Variants in PRKCA observed in about 807,000 individuals in gnomAD.
The protein encoded by PRKCA is protein kinase C alpha type.
PRKCA carries 27 observed loss-of-function variants against 87.0 expected under a neutral mutation model. That is an observed-to-expected ratio of 0.31 (90% CI 0.23 to 0.43). PRKCA has a LOEUF of 0.43. PRKCA is among the 20% of genes least tolerant of loss of function. The pLI is 1.00. For missense variants in PRKCA, 518 were observed against 852.3 expected (o/e 0.61, Z 4.88); for synonymous variants, 329 against 311.1 (o/e 1.06, Z -0.61).
intron 3 of PRKCA, among the ~76,000 whole-genome samples, chr17:66,588,285 G>A (rs1326089468): frequency 2.0e-5 from 3 of 152,064 alleles, no homozygotes; most frequent in Non-Finnish European, 4.4e-5. Flanking sequence ...TATATCTCTA[G>A]CACCTTTTTC....
chr17:66,590,607 G>A (rs955222859), intron 3 of PRKCA, among the ~76,000 whole-genome samples: 1 of 152,182 alleles, frequency 6.6e-6, no homozygotes, highest in Admixed American at 6.5e-5. Flanking sequence ...CCAGCACTTT[G>A]GGAGGCCAAG....
intron 3 of PRKCA, among the ~76,000 whole-genome samples, chr17:66,624,218 G>C (rs1472273551): frequency 6.6e-6 from 1 of 152,088 alleles, no homozygotes. Context: ...AAGCCACCGA[G>C]AGGCTAGATA....
intron 14 of PRKCA, among the ~76,000 whole-genome samples, chr17:66,786,095 T>A (rs1975384530): frequency 1.3e-5 from 2 of 152,234 alleles, no homozygotes; most frequent in Admixed American, 1.3e-4. Flanking sequence ...CCCAAAGTGC[T>A]GGGATTACAG....
At position 66,809,902 on chromosome 17, in the gene PRKCA, G is replaced by T. The variant is rs1021393687; in HGVS notation, c.*5865G>T. Reference sequence around the variant, plus strand: ...GGATGCTTCCTTGGCTCTGTGCCCAGACCCGCCTGGTCCCCAGGTCTCTCA... The same window carrying T: ...GGATGCTTCCTTGGCTCTGTGCCCATACCCGCCTGGTCCCCAGGTCTCTCA... On this transcript the variant is annotated 3_prime_UTR_variant, in exon 17 of 17. Coordinates refer to ENST00000413366, the MANE Select transcript of PRKCA (RefSeq NM_002737.3). 1.3e-5 allele frequency: 2 copies of T among 152,172 alleles called. No individual in the cohort carries two copies. Among genetic ancestry groups the T allele is most frequent in the Admixed American group, 1.3e-4 (2 of 15,282 alleles). The allele number at this position is 152,172 out of a possible 1,614,324, so 9.4% of individuals were successfully genotyped here. A position where few individuals can be genotyped will look rare whatever the true frequency, so the allele number is the denominator to read the frequency against.
intron 8 of PRKCA, among the ~76,000 whole-genome samples, chr17:66,701,854 CT>C (rs1973072156): frequency 6.6e-6 from 1 of 152,014 alleles, no homozygotes; most frequent in South Asian, 2.1e-4. Context: ...ATGATATACA[CT>C]GTTGGTGGGA....
At position 66,806,161 on chromosome 17, in the gene PRKCA, C is replaced by T. The variant is rs1976027407; in HGVS notation, c.*2124C>T. The T allele has an allele frequency of 6.6e-6, 1 of 152,232 alleles. No individual in the cohort carries two copies. The highest frequency in any genetic ancestry group is 2.4e-5 in the African/African-American group (1 of 41,452). 9.4% of individuals were successfully genotyped at this position (152,232 alleles called of 1,614,324 possible). ...AACAGAATGAAAGTAGCTGTCAGTC[C>T]TTGTAGAGAGCCGCTCTGTTTCCTC... On this transcript the variant is annotated 3_prime_UTR_variant, in exon 17 of 17. Transcript: ENST00000413366.
At chr17:66,727,813 A>G (rs35323097) in intron 8 of PRKCA, among the ~76,000 whole-genome samples, 21,927 of 151,950 alleles carry the variant, frequency 0.14, 1,936 homozygotes, top group South Asian at 0.26. Context: ...GTGCTGGCCA[A>G]AGGTCTGGAG....
At chr17:66,517,626 C>T (rs1187119475) in intron 3 of PRKCA, among the ~76,000 whole-genome samples, 1 of 152,192 alleles carries the variant, frequency 6.6e-6, no homozygotes, top group East Asian at 1.9e-4. Context: ...TGACGTTAGA[C>T]AGAATTTCTG....
In PRKCA at chr17:66,711,231, T is replaced by TTAAG. The variant is rs1482964172; in HGVS notation, c.919-21456_919-21453dup. On this transcript the variant is annotated intron_variant, in intron 8 of 16. Coordinates refer to ENST00000413366, the MANE Select transcript of PRKCA (RefSeq NM_002737.3). ...TTAATATCTTTCAATCACATATGAG[T>TTAAG]TAAGATTCATTTTAAGTTTTATAGG... Among the ~76,000 whole-genome samples the TTAAG allele has an allele frequency of 3.3e-5, 5 of 152,178 alleles. No homozygotes were observed. In the East Asian group the frequency reaches 7.7e-4, roughly 23 times the overall value.
chr17:66,780,500 AC>A (rs1192225296), intron 14 of PRKCA, among the ~76,000 whole-genome samples: 4 of 151,988 alleles, frequency 2.6e-5, no homozygotes, highest in Admixed American at 2.6e-4. Flanking sequence ...AGATGGTGAA[AC>A]CCCATCTCTA....
At chr17:66,638,290 A>G (rs1044342711) in intron 3 of PRKCA, 22 of 152,116 alleles carry the variant, frequency 1.4e-4, no homozygotes, top group Non-Finnish European at 2.4e-4. Context: ...GAAGCAGCAC[A>G]AATACAAAAC....
At chr17:66,496,177 T>C in intron 2 of PRKCA, 24 bp from the exon 3 acceptor site, 1 of 1,578,874 alleles carries the variant, frequency 6.3e-7, no homozygotes, top group South Asian at 1.1e-5. Flanking sequence ...CTATTCTAAT[T>C]TTAGTTTCCT....
At chr17:66,375,094 G>T (rs186964742) in intron 2 of PRKCA, among the ~76,000 whole-genome samples, 3 of 152,140 alleles carry the variant, frequency 2.0e-5, no homozygotes, top group South Asian at 2.1e-4. Context: ...AGCCTTGAGG[G>T]GGGTAATAGC....
At chr17:66,332,283 A>G (rs1265115689) in intron 2 of PRKCA, among the ~76,000 whole-genome samples, 1 of 140,650 alleles carries the variant, frequency 7.1e-6, no homozygotes, top group African/African-American at 2.7e-5. Context: ...GCTGGAGTGC[A>G]GTGGCACGAT....
At position 66,377,699 on chromosome 17, in the gene PRKCA, TTTTATATA is replaced by T. The variant is rs1389988450; in HGVS notation, c.205+71574_205+71581del. On this transcript the variant is annotated intron_variant, in intron 2 of 16. Transcript: ENST00000413366. ...CTATTATATATATATAAAGTCTATG[TTTTATATA>T]TATATATATATATATTTTTTTTTTT... 4.7e-3 allele frequency among the ~76,000 whole-genome samples: 231 copies of T among 48,694 alleles called. 11 individuals are homozygous for T. Among genetic ancestry groups the T allele is most frequent in the African/African-American group, 0.01 (178 of 17,494 alleles). The allele number at this position is 48,694 out of a possible 152,430, so 31.9% of individuals were successfully genotyped here. A position where few individuals can be genotyped will look rare whatever the true frequency, so the allele number is the denominator to read the frequency against.
chr17:66,592,361 AGT>A (rs1969836639), intron 3 of PRKCA, among the ~76,000 whole-genome samples: 2 of 151,134 alleles, frequency 1.3e-5, no homozygotes, highest in African/African-American at 2.4e-5. Context: ...AAAAAAAAAA[AGT>A]TACCATTGGC....
intron 13 of PRKCA, 98 bp from the exon 14 acceptor site, chr17:66,773,889 G>T (rs1974992269): frequency 6.4e-7 from 1 of 1,567,576 alleles, no homozygotes; most frequent in South Asian, 1.2e-5. Flanking sequence ...TCATCTGCAT[G>T]AACTGAGTGT....
chr17:66,467,515 A>C (rs1007485479), intron 2 of PRKCA, among the ~76,000 whole-genome samples: 4 of 152,206 alleles, frequency 2.6e-5, no homozygotes, highest in African/African-American at 9.6e-5. Context: ...TATCACCAAT[A>C]GTACCTGCTC....
intron 2 of PRKCA, among the ~76,000 whole-genome samples, chr17:66,417,374 A>C (rs757191883): frequency 3.3e-5 from 5 of 152,114 alleles, no homozygotes; most frequent in Non-Finnish European, 7.4e-5. Context: ...GATCTGGTGA[A>C]ATCCCTAGCC....
Sources: gnomAD v4.1 joint callset for allele counts (sites outside exome capture counted in the v4.1 genomes callset) on GRCh38, gnomAD v4.1.1 for gene constraint, MANE v1.5 for transcripts, NCBI Gene and HGNC (gene_info 2026-07-23, HGNC 2026-07-21) for gene names.